Variants in ARB2A observed in about 807,000 individuals in gnomAD.
The protein encoded by ARB2A is ARB2 cotranscriptional regulator A, also known as cotranscriptional regulator ARB2A.
At chr5:94,105,450 A>G in the ARB2A span, among the ~76,000 whole-genome samples, 1 of 152,262 alleles carries the variant, frequency 6.6e-6, no homozygotes, top group Non-Finnish European at 1.5e-5. Context: ...GAGCTCTACG[A>G]TGAGAATTAC....
At chr5:93,829,677 A>G in the ARB2A span, among the ~76,000 whole-genome samples, 1 of 152,210 alleles carries the variant, frequency 6.6e-6, no homozygotes, top group South Asian at 2.1e-4. Flanking sequence ...TAAAATACAA[A>G]CATACTTCCA....
At chr5:94,063,057 C>A in the ARB2A span, among the ~76,000 whole-genome samples, 4 of 152,170 alleles carry the variant, frequency 2.6e-5, no homozygotes, top group African/African-American at 4.8e-5. Flanking sequence ...TAGCATAGGG[C>A]GGTGGTGCAG....
the ARB2A span, among the ~76,000 whole-genome samples, chr5:94,088,133 G>A: frequency 1.3e-5 from 2 of 152,168 alleles, no homozygotes; most frequent in African/African-American, 2.4e-5. Context: ...GAGTAAAACT[G>A]ATAGAAGCAG....
At chr5:94,070,844 A>G in the ARB2A span, among the ~76,000 whole-genome samples, 2 of 152,126 alleles carry the variant, frequency 1.3e-5, no homozygotes, top group African/African-American at 4.8e-5. Context: ...CCACATAGAA[A>G]CAAAAACCTG....
At chr5:93,921,117 C>T in the ARB2A span, among the ~76,000 whole-genome samples, 160 of 149,356 alleles carry the variant, frequency 1.1e-3, 1 homozygote, top group African/African-American at 3.8e-3. Flanking sequence ...TGTGGTTGCC[C>T]GCCATTTCAA....
chr5:93,843,032 G>C, the ARB2A span, among the ~76,000 whole-genome samples: 1 of 152,056 alleles, frequency 6.6e-6, no homozygotes, highest in Non-Finnish European at 1.5e-5. Flanking sequence ...TAGACTTCAG[G>C]CAAAAGACTG....
the ARB2A span, among the ~76,000 whole-genome samples, chr5:93,955,523 G>A: frequency 2.0e-5 from 3 of 152,160 alleles, no homozygotes; most frequent in East Asian, 1.9e-4. Context: ...AGAAATTAGG[G>A]AAAACGCTAT....
the ARB2A span, among the ~76,000 whole-genome samples, chr5:93,799,234 T>C: frequency 2.6e-5 from 4 of 152,112 alleles, no homozygotes; most frequent in South Asian, 8.3e-4. Flanking sequence ...GAGAATGGGG[T>C]CTGTTATTCA....
chr5:93,856,655 G>A, the ARB2A span, among the ~76,000 whole-genome samples: 1 of 152,046 alleles, frequency 6.6e-6, no homozygotes, highest in Non-Finnish European at 1.5e-5. Flanking sequence ...GCACTTCTCT[G>A]TATTGGTTAT....
At chr5:93,986,765 T>C in the ARB2A span, among the ~76,000 whole-genome samples, 4 of 152,210 alleles carry the variant, frequency 2.6e-5, no homozygotes, top group South Asian at 2.1e-4. Flanking sequence ...CAGGGTTAAA[T>C]GGATTAAGGG....
At chr5:94,046,706 C>T in the ARB2A span, among the ~76,000 whole-genome samples, 5 of 152,106 alleles carry the variant, frequency 3.3e-5, no homozygotes, top group African/African-American at 1.2e-4. Context: ...AAGCTAGCTT[C>T]GGGATAAATT....
chr5:93,820,617 T>C, the ARB2A span, among the ~76,000 whole-genome samples: 54 of 152,178 alleles, frequency 3.5e-4, no homozygotes, highest in African/African-American at 1.3e-3. Flanking sequence ...TAAAGTAAAA[T>C]TTGTAAGAAA....
chr5:93,720,900 C>T, the ARB2A span, among the ~76,000 whole-genome samples: 1 of 152,034 alleles, frequency 6.6e-6, no homozygotes, highest in Non-Finnish European at 1.5e-5. Context: ...TTGTGTGATG[C>T]CTAACTAAAC....
the ARB2A span, among the ~76,000 whole-genome samples, chr5:93,798,452 A>G: frequency 1.3e-4 from 20 of 152,104 alleles, no homozygotes; most frequent in Non-Finnish European, 1.9e-4. Flanking sequence ...CTACTGCCTT[A>G]AGATTTACAT....
the ARB2A span, among the ~76,000 whole-genome samples, chr5:94,090,509 C>G: frequency 2.4e-4 from 37 of 152,106 alleles, no homozygotes; most frequent in Admixed American, 1.6e-3. Flanking sequence ...ATTTGAATAC[C>G]CTTTATTTAT....
At chr5:93,948,950 G>A in the ARB2A span, among the ~76,000 whole-genome samples, 3 of 152,050 alleles carry the variant, frequency 2.0e-5, no homozygotes, top group Admixed American at 1.3e-4. Context: ...GTAACTTCCA[G>A]GGTCTTACCT....
chr5:93,649,536 C>G, the ARB2A span, among the ~76,000 whole-genome samples: 1 of 152,104 alleles, frequency 6.6e-6, no homozygotes, highest in Non-Finnish European at 1.5e-5. Context: ...AGGTAAATTC[C>G]TAACAAAAAG....
At chr5:93,635,459 G>GTTTTTCTTTTTTTTTTT in the ARB2A span, among the ~76,000 whole-genome samples, 1 of 128,940 alleles carries the variant, frequency 7.8e-6, no homozygotes, top group African/African-American at 3.2e-5. Context: ...TTATACGAAA[G>GTTTTTCTTTTTTTTTTT]TTTTTTTTTT....
At chr5:93,743,459 A>G in the ARB2A span, 1 of 816,410 alleles carries the variant, frequency 1.2e-6, no homozygotes, top group Non-Finnish European at 1.5e-6. Context: ...ATGACAGTCT[A>G]TAAAAAACAG....
Sources: allele counts gnomAD v4.1 joint callset (sites outside exome capture counted in the v4.1 genomes callset), GRCh38; gene constraint gnomAD v4.1.1; transcripts MANE v1.5; gene names NCBI Gene and HGNC (gene_info 2026-07-23, HGNC 2026-07-21).